ERCC4: variants seen among roughly 807,000 people sequenced by gnomAD.
ERCC4 encodes ERCC excision repair 4, endonuclease catalytic subunit, also known as DNA repair endonuclease XPF.
In ERCC4, 65 loss-of-function variants were observed where a neutral mutation model predicts 76.9. That is an observed-to-expected ratio of 0.84 (90% CI 0.69 to 1.04). The LOEUF (loss-of-function observed/expected upper bound fraction) is 1.04, where lower values mean the gene tolerates loss of function less well. Among genes scored for constraint, ERCC4 ranks in the 50% least tolerant of loss-of-function variants. The pLI is 0.00. For synonymous variants in ERCC4, 463 were observed against 410.1 expected (o/e 1.13, Z -1.56); for missense variants, 1,214 against 1,128.2 (o/e 1.08, Z -1.09).
Position 13,944,819 on chromosome 16 carries a change from T to G in ERCC4, c.2001T>G (p.Thr667=), listed in dbSNP as rs781362388. 7 of 1,611,354 alleles carry G rather than the reference T, an allele frequency of 4.3e-6. No individual in the cohort carries two copies. In the African/African-American group the frequency reaches 9.3e-5, roughly 22 times the overall value. Residue 667 remains threonine, a synonymous_variant, in exon 10 of 11, where the codon ACT becomes ACG. Transcript: ENST00000311895. ...VRGTASADVS[T]DTRKAGGQEQ... Reference sequence around the variant, plus strand: ...GCACAGCATCTGCAGATGTTTCCACTGACACTCGGAAAGCCGGTGAGTCCT... The same window carrying G: ...GCACAGCATCTGCAGATGTTTCCACGGACACTCGGAAAGCCGGTGAGTCCT...
chr16:13,932,384 G>A (rs1156870259), intron 6 of ERCC4, 99 bp downstream of exon 6: 4 of 1,100,100 alleles, frequency 3.6e-6, no homozygotes, highest in South Asian at 2.7e-5. Flanking sequence ...CATGTGAAAA[G>A]TGTGTTCCTT....
At chr16:13,932,484 T>C in intron 6 of ERCC4, 199 bp downstream of exon 6, 1 of 611,440 alleles carries the variant, frequency 1.6e-6, no homozygotes, top group Non-Finnish European at 2.9e-6. Flanking sequence ...TATGTCGAAG[T>C]ATACAGCATG....
intron 9 of ERCC4, among the ~76,000 whole-genome samples, chr16:13,939,581 G>A (rs1309983306): frequency 6.6e-6 from 1 of 152,082 alleles, no homozygotes; most frequent in Non-Finnish European, 1.5e-5. Flanking sequence ...CGTGCACGAA[G>A]GCTCCCAGGT....
chr16:13,932,611 AT>A, intron 6 of ERCC4: 1 of 413,434 alleles, frequency 2.4e-6, no homozygotes, highest in Non-Finnish European at 4.3e-6. Flanking sequence ...AGTAATTATT[AT>A]TTTTGAGTCA....
chr16:13,936,853 G>A (rs377088813), intron 8 of ERCC4, among the ~76,000 whole-genome samples: 22 of 151,440 alleles, frequency 1.5e-4, no homozygotes, highest in African/African-American at 5.3e-4. Context: ...CAGAGGAGGT[G>A]CTTAATTCAG....
rs1187576142 is a variant in ERCC4 at position 13,928,227 on chromosome 16, T to C, written c.784T>C (p.Phe262Leu). The change falls in exon 4 of 11, where the codon TTT (phenylalanine) becomes CTT (leucine). Residue 262 changes from phenylalanine (F) to leucine (L), a missense_variant. Transcript: ENST00000311895. Reference protein sequence around the residue: ...LSLENAIGKPFDKTIRHYLDP... With the variant: ...LSLENAIGKPLDKTIRHYLDP... ...TTTAGAAAATGCTATTGGAAAACCT[T>C]TTGACAAGGTACTCTTTTTCCTTTT... 2 of 1,603,750 alleles carry C rather than the reference T, an allele frequency of 1.2e-6. No individual in the cohort carries two copies. The highest frequency in any genetic ancestry group is 2.7e-5 in the African/African-American group (2 of 74,724).
At chr16:13,934,447 A>ACATTT in intron 7 of ERCC4, 145 bp downstream of exon 7, 1 of 681,204 alleles carries the variant, frequency 1.5e-6, no homozygotes, top group Non-Finnish European at 2.6e-6. Context: ...TATTTTATCT[A>ACATTT]TAAAATGTAG....
Position 13,948,468 on chromosome 16 carries a change from G to C in ERCC4, c.*121G>C. ...TTCTTTTCCAATGCTCTTAATGATT[G>C]TACGGTGGACCAGAAGCCAGGATTC... is the stretch of plus-strand genomic sequence containing the variant. On this transcript the variant is annotated 3_prime_UTR_variant, in exon 11 of 11. Transcript: ENST00000311895. 8.2e-7 allele frequency: 1 copy of C among 1,224,998 alleles called. No homozygotes were observed. The highest frequency in any genetic ancestry group is 1.3e-5 in the South Asian group (1 of 79,378). 75.9% of individuals were successfully genotyped at this position (1,224,998 alleles called of 1,614,324 possible).
intron 2 of ERCC4, among the ~76,000 whole-genome samples, chr16:13,923,567 T>C (rs2032018759): frequency 6.6e-6 from 1 of 152,216 alleles, no homozygotes; most frequent in South Asian, 2.1e-4. Flanking sequence ...ATAATTGTTA[T>C]AAACAGTATC....
Position 13,947,005 on chromosome 16 carries a change from G to A in ERCC4, c.2018-609G>A, listed in dbSNP as rs568420762. On this transcript the variant is annotated intron_variant, in intron 10 of 10. Coordinates refer to ENST00000311895, the MANE Select transcript of ERCC4 (RefSeq NM_005236.3). ...TCAAACTCCTTTCCTCAGGTGATCC[G>A]TCCACCTCGGCCTCCCAAAGTGCTG... Among the ~76,000 whole-genome samples the A allele has an allele frequency of 7.2e-5, 11 of 152,166 alleles. No individual in the cohort carries two copies. The South Asian group carries it at 1.2e-3, about 17-fold the overall frequency.
In ERCC4 at chr16:13,920,330, A is replaced by G. The variant is rs571953222; in HGVS notation, c.165A>G (p.Pro55=). ...ACTTTCTCCAGCTGCACTGCCACCC[A>G]GCCTGCCTGGTGCTGGTGCTCAACA... ...LYHFLQLHCH[P]ACLVLVLNTQ... The change falls in exon 1 of 11, where the codon CCA becomes CCG. Residue 55 remains proline (P), a synonymous_variant. Transcript: ENST00000311895. 77 of 1,598,984 alleles carry G rather than the reference A, an allele frequency of 4.8e-5. No homozygotes were observed. In the South Asian group the frequency reaches 8.3e-4, roughly 17 times the overall value.
chr16:13,922,427 T>C, intron 2 of ERCC4: 4 of 760,442 alleles, frequency 5.3e-6, no homozygotes, highest in Non-Finnish European at 2.4e-6. Context: ...GATCGATTCC[T>C]GACTACTTTG....
intron 9 of ERCC4, among the ~76,000 whole-genome samples, chr16:13,941,846 TA>T (rs2032418643): frequency 6.6e-6 from 1 of 152,202 alleles, no homozygotes; most frequent in Admixed American, 6.5e-5. Flanking sequence ...AGGGCTTAAG[TA>T]AATGCCCATT....
chr16:13,920,418 A>G (rs757664200), intron 1 of ERCC4, 46 bp downstream of exon 1: 2 of 1,504,832 alleles, frequency 1.3e-6, no homozygotes, highest in South Asian at 2.4e-5. Flanking sequence ...GAGAGTGTTG[A>G]GGGCCTCCTG....
chr16:13,924,161 A>G (rs890212756), intron 2 of ERCC4, among the ~76,000 whole-genome samples: 1 of 152,164 alleles, frequency 6.6e-6, no homozygotes, highest in African/African-American at 2.4e-5. Context: ...AGGACTGACC[A>G]AAGAGCAGTG....
Position 13,933,875 on chromosome 16 carries a change from C to T in ERCC4, c.1103-317C>T, listed in dbSNP as rs3136139. 0.025 allele frequency: 5,900 copies of T among 240,346 alleles called. 337 individuals carry two copies. The highest frequency in any genetic ancestry group is 0.12 in the African/African-American group (5,362 of 43,438). The allele number at this position is 240,346 out of a possible 1,614,324, so 14.9% of individuals were successfully genotyped here. ...AATAGTAAATACTGTCATTGTGTAC[C>T]GATGCCTTTGTTTTGTATAGCTGCT... On this transcript the variant is annotated intron_variant, in intron 6 of 10. Transcript: ENST00000311895.
chr16:13,945,235 C>A (rs1279651862), intron 10 of ERCC4, among the ~76,000 whole-genome samples: 4 of 152,100 alleles, frequency 2.6e-5, no homozygotes. Context: ...TTTCTCCTTC[C>A]CTCCTCTGCC....
intron 10 of ERCC4, among the ~76,000 whole-genome samples, 152 bp from the exon 11 acceptor site, chr16:13,947,460 CTT>C (rs2032536315): frequency 6.6e-6 from 1 of 152,164 alleles, no homozygotes; most frequent in African/African-American, 2.4e-5. Flanking sequence ...ATAAACAAAT[CTT>C]TTTGAAAATA....
Position 13,926,737 on chromosome 16 carries a change from A to G in ERCC4, c.565A>G (p.Lys189Glu), listed in dbSNP as rs1167181199. The change falls in exon 3 of 11, where the codon AAA becomes GAA. Residue 189 changes from lysine to glutamate, a missense_variant. Coordinates refer to ENST00000311895, the MANE Select transcript of ERCC4 (RefSeq NM_005236.3). Reference protein sequence around the residue: ...ERVMRNLFVRKLYLWPRFHVA... With the variant: ...ERVMRNLFVRELYLWPRFHVA... ...AGTGATGAGAAATCTTTTTGTGAGG[A>G]AACTGTATCTGTGGCCAAGGTAAAG... 1 of 1,613,560 alleles carries G rather than the reference A, an allele frequency of 6.2e-7. No homozygotes were observed. The highest frequency in any genetic ancestry group is 8.5e-7 in the Non-Finnish European group (1 of 1,179,544).
Sources: allele counts gnomAD v4.1 joint callset (sites outside exome capture counted in the v4.1 genomes callset), GRCh38; gene constraint gnomAD v4.1.1; transcripts MANE v1.5; gene names NCBI Gene and HGNC (gene_info 2026-07-23, HGNC 2026-07-21).